The following DNAH3 variants were observed in gnomAD, a reference collection of about 807,000 sequenced individuals.
DNAH3 encodes the protein dynein axonemal heavy chain 3.
DNAH3 carries 332 observed loss-of-function variants against 432.5 expected under a neutral mutation model. That is an observed-to-expected ratio of 0.77 (90% CI 0.70 to 0.84). The LOEUF (loss-of-function observed/expected upper bound fraction) is 0.84. DNAH3 is among the 40% of genes least tolerant of loss of function. The pLI is 0.00. For missense variants in DNAH3, 4,861 were observed against 5,114.0 expected, an observed-to-expected ratio of 0.95 and a Z score of 1.51; for synonymous variants, 1,956 against 1,900.2, an observed-to-expected ratio of 1.03 and a Z score of -0.76.
chr16:21,129,126 TCCTG>T (rs2092504376), intron 7 of DNAH3: 1 of 152,958 alleles, frequency 6.5e-6, no homozygotes, highest in Non-Finnish European at 1.5e-5. Context: ...CTTGCTCCTG[TCCTG>T]CCTGTCACCT....
In DNAH3 at chr16:21,121,939, C is replaced by A. The variant is rs751117538; in HGVS notation, c.1584+6G>T. ...ATGCAAATGAATGATTAAGTGACTA[C>A]TATACCTTGGGGATCCCATTAGAGT... On this transcript the variant is annotated splice_donor_region_variant and intron_variant, in intron 10 of 61. Coordinates refer to ENST00000261383, the Ensembl canonical transcript of DNAH3. 1 of 1,604,696 alleles carries A rather than the reference C, an allele frequency of 6.2e-7. No individual in the cohort carries two copies.
rs895992150 is a variant in DNAH3, at chr16:21,074,675, T to C, written c.3084+772A>G. ...GTTGCAGTGATCCGAGATCACGCAG[T>C]TGCACTCCAGCCTGGGTGACAGAGC... On this transcript the variant is annotated intron_variant, in intron 21 of 61. Transcript: ENST00000261383. Among the ~76,000 whole-genome samples, 4 of 152,058 alleles carry C rather than the reference T, an allele frequency of 2.6e-5. No homozygotes were observed. The East Asian group carries it at 5.8e-4, about 22-fold the overall frequency.
At chr16:21,148,626 C>T (rs529294854) in intron 1 of DNAH3, among the ~76,000 whole-genome samples, 4 of 152,052 alleles carry the variant, frequency 2.6e-5, no homozygotes, top group Admixed American at 2.0e-4. Context: ...GAAAGCAAAC[C>T]GTGAGCATTT....
At chr16:20,970,624 C>G (rs2085295070) in intron 51 of DNAH3, among the ~76,000 whole-genome samples, 1 of 152,182 alleles carries the variant, frequency 6.6e-6, no homozygotes, top group African/African-American at 2.4e-5. Context: ...TGAGTCTTAG[C>G]ATGAAAAGAG....
At chr16:21,127,526 A>C (rs186373741) in intron 8 of DNAH3, among the ~76,000 whole-genome samples, 161 bp downstream of exon 9, 102 of 151,748 alleles carry the variant, frequency 6.7e-4, no homozygotes, top group Middle Eastern at 6.9e-3. Flanking sequence ...ACACCACTGC[A>C]CTCCAGCCTG....
At chr16:21,153,437 G>A (rs2092875823) in intron 1 of DNAH3, among the ~76,000 whole-genome samples, 1 of 152,182 alleles carries the variant, frequency 6.6e-6, no homozygotes, top group Non-Finnish European at 1.5e-5. Flanking sequence ...CTCAGGGATT[G>A]TAAACGCACC....
intron 31 of DNAH3, among the ~76,000 whole-genome samples, chr16:21,047,323 T>C (rs1315606735): frequency 6.7e-6 from 1 of 148,210 alleles, no homozygotes; most frequent in African/African-American, 2.5e-5. Context: ...CAATCAGACG[T>C]AGATTTGGTC....
At chr16:21,024,490 C>T (rs570775730) in intron 39 of DNAH3, 106 bp downstream of exon 39, 3 of 747,238 alleles carry the variant, frequency 4.0e-6, no homozygotes, top group Non-Finnish European at 6.3e-6. Context: ...ATTCCCTGCC[C>T]CTTGTTGCCT....
chr16:20,943,941 G>A (rs1003630714), intron 58 of DNAH3, among the ~76,000 whole-genome samples: 9 of 151,406 alleles, frequency 5.9e-5, no homozygotes, highest in African/African-American at 2.2e-4. Flanking sequence ...ACAAGATCAC[G>A]CCACTGCGCT....
chr16:20,941,106 GA>G (rs1246266052), intron 59 of DNAH3, among the ~76,000 whole-genome samples: 1 of 152,096 alleles, frequency 6.6e-6, no homozygotes, highest in Non-Finnish European at 1.5e-5. Flanking sequence ...ACTCAGGAAA[GA>G]AAAATGAAAG....
At chr16:21,043,416 T>C (rs1343309639) in intron 31 of DNAH3, among the ~76,000 whole-genome samples, 1 of 133,960 alleles carries the variant, frequency 7.5e-6, no homozygotes. Context: ...ATTTCTCTGA[T>C]GGCCAGTGAT....
rs527288046 is a variant in DNAH3, at chr16:21,129,605, C to T, written c.1083-1793G>A. 2.0e-4 allele frequency among the ~76,000 whole-genome samples: 30 copies of T among 149,506 alleles called. 1 individual carries two copies. The highest frequency in any genetic ancestry group is 3.9e-4 in the East Asian group (2 of 5,118). ...AAAAAAAATTAGCCGGGCCTGGTGG[C>T]GGGTGTCTGTAATCCCAGCTACTCA... On this transcript the variant is annotated intron_variant, in intron 7 of 61. Transcript: ENST00000261383.
chr16:20,977,556 C>T (rs546532310), intron 50 of DNAH3, among the ~76,000 whole-genome samples: 2 of 152,248 alleles, frequency 1.3e-5, no homozygotes, highest in Admixed American at 1.3e-4. Flanking sequence ...CACCCAATGC[C>T]CCCAGTGAGC....
intron 7 of DNAH3, among the ~76,000 whole-genome samples, chr16:21,130,306 T>C (rs2092533216): frequency 6.7e-6 from 1 of 149,124 alleles, no homozygotes; most frequent in African/African-American, 2.5e-5. Flanking sequence ...CCCTCCACTT[T>C]TTTTTTTTTT....
intron 50 of DNAH3, among the ~76,000 whole-genome samples, chr16:20,978,944 A>G (rs1263476589): frequency 6.6e-6 from 1 of 151,976 alleles, no homozygotes; most frequent in African/African-American, 2.4e-5. Flanking sequence ...TTGGGCCCAG[A>G]TCTGACTCCA....
chr16:21,125,433 G>T (rs769997801), intron 8 of DNAH3, 63 bp from the exon 10 acceptor site: 2 of 1,423,796 alleles, frequency 1.4e-6, no homozygotes, highest in Admixed American at 4.4e-5. Flanking sequence ...CCCACTTGCC[G>T]TGCCCCCTGA....
chr16:21,134,327 C>T (rs11074483), exon 7 of DNAH3: 397,352 of 1,613,638 alleles, frequency 0.25, 49,899 homozygotes, highest in East Asian at 0.33. Context: ...CCTCGTTCCA[C>T]TTCTTGGCGC....
At chr16:20,954,678 T>G in intron 55 of DNAH3, 135 bp downstream of exon 55, 1 of 964,254 alleles carries the variant, frequency 1.0e-6, no homozygotes, top group Non-Finnish European at 1.5e-6. Flanking sequence ...TTCCAAATAT[T>G]GCCTGGAAAA....
At chr16:21,026,722 AAG>A (rs2088579527) in intron 38 of DNAH3, among the ~76,000 whole-genome samples, 1 of 150,564 alleles carries the variant, frequency 6.6e-6, no homozygotes, top group East Asian at 1.9e-4. Flanking sequence ...AAAAAAAAAA[AAG>A]AAGGAAATGA....
Sources: allele counts gnomAD v4.1 joint callset (sites outside exome capture counted in the v4.1 genomes callset), GRCh38; gene constraint gnomAD v4.1.1; transcripts MANE v1.5; gene names NCBI Gene and HGNC (gene_info 2026-07-23, HGNC 2026-07-21).